The following CCNE2 variants were observed in gnomAD, a reference collection of about 807,000 sequenced individuals.
CCNE2 encodes the protein cyclin E2.
A neutral mutation model predicts 56.8 loss-of-function variants in CCNE2; 18 were observed. The ratio of observed to expected loss-of-function variants is 0.32; its 90% CI spans 0.22 to 0.47. The LOEUF is 0.47. Among genes scored for constraint, CCNE2 ranks in the 20% least tolerant of loss-of-function variants. The pLI is 1.00. For synonymous variants in CCNE2, 139 were observed against 149.2 expected, an observed-to-expected ratio of 0.93 and a Z score of 0.50; for missense variants, 371 against 467.1, an observed-to-expected ratio of 0.79 and a Z score of 1.90.
chr8:94,893,779 A>T, intron 4 of CCNE2, 112 bp downstream of exon 4: 1 of 1,148,298 alleles, frequency 8.7e-7, no homozygotes, highest in Non-Finnish European at 1.3e-6. Context: ...TAGGGGCATT[A>T]AAAGTAAAAG....
chr8:94,892,883 G>T lies in CCNE2; in HGVS notation c.252C>A (p.Phe84Leu), dbSNP rs753297056. Reference protein sequence around the residue: ...TPHKEIGTSDFSRFTNYRFKN... With the variant: ...TPHKEIGTSDLSRFTNYRFKN... ...TAAATCTGTAATTTGTAAATCTGGA[G>T]AAATCACTTGTTCCTATTTCTTTGT... Residue 84 changes from phenylalanine (F) to leucine (L), a missense_variant, in exon 5 of 12, where the codon TTC becomes TTA. Coordinates refer to ENST00000308108, the MANE Select transcript of CCNE2 (RefSeq NM_057749.3). The T allele has an allele frequency of 1.2e-5, 18 of 1,521,588 alleles. No homozygotes were observed. The highest frequency in any genetic ancestry group is 1.4e-5 in the Non-Finnish European group (16 of 1,129,438). 94.3% of individuals were successfully genotyped at this position (1,521,588 alleles called of 1,614,324 possible). A position where few individuals can be genotyped will look rare whatever the true frequency, so the allele number is the denominator to read the frequency against.
chr8:94,895,318 G>T, upstream of CCNE2: 1 of 940,770 alleles, frequency 1.1e-6, no homozygotes, highest in Non-Finnish European at 1.3e-6. Flanking sequence ...CCGCCCGCGT[G>T]CCCGCGCGCC....
chr8:94,889,439 TTAACA>T (rs1817153194), intron 6 of CCNE2, among the ~76,000 whole-genome samples: 1 of 152,178 alleles, frequency 6.6e-6, no homozygotes, highest in Admixed American at 6.5e-5. Flanking sequence ...AAATTAAAAA[TTAACA>T]TAATTGTGCT....
In CCNE2 at chr8:94,881,110, TATAG is replaced by T. The variant is rs1317198481; in HGVS notation, c.*518_*521del. 7.6e-6 allele frequency: 3 copies of T among 396,748 alleles called. No homozygotes were observed. The highest frequency in any genetic ancestry group is 4.4e-5 in the Admixed American group (1 of 22,694). 24.6% of individuals were successfully genotyped at this position (396,748 alleles called of 1,614,324 possible). A position where few individuals can be genotyped will look rare whatever the true frequency, so the allele number is the denominator to read the frequency against. On this transcript the variant is annotated 3_prime_UTR_variant, in exon 12 of 12. Coordinates refer to ENST00000308108, the MANE Select transcript of CCNE2 (RefSeq NM_057749.3). ...TTTTATAATAGCTTGCTATAGCAGC[TATAG>T]ATAAATTAGTCACCTTATTACAAAA... is the stretch of plus-strand genomic sequence containing the variant.
chr8:94,882,121 A>G lies in CCNE2; in HGVS notation c.1101+11T>C. 6.3e-7 allele frequency: 1 copy of G among 1,594,320 alleles called. No individual in the cohort carries two copies. The highest frequency in any genetic ancestry group is 1.8e-5 in the Admixed American group (1 of 56,380). On this transcript the variant is annotated intron_variant, in intron 11 of 11. Transcript: ENST00000308108. Reference sequence around the variant, plus strand: ...AGATAGCAAAGCCAAAAAACTCACAAAAAAACATACCAGCATAGCCAAATA... The same window carrying G: ...AGATAGCAAAGCCAAAAAACTCACAGAAAAACATACCAGCATAGCCAAATA...
intron 9 of CCNE2, 29 bp downstream of exon 9, chr8:94,885,038 T>C: frequency 1.3e-6 from 2 of 1,598,684 alleles, no homozygotes; most frequent in Non-Finnish European, 8.6e-7. Flanking sequence ...TTAATAACAT[T>C]ACCATTGAAT....
At chr8:94,889,543 T>C (rs1817156039) in intron 6 of CCNE2, among the ~76,000 whole-genome samples, 1 of 152,218 alleles carries the variant, frequency 6.6e-6, no homozygotes, top group Admixed American at 6.5e-5. Context: ...TCTTTCCTTC[T>C]AGTCAGAATA....
At position 94,882,418 on chromosome 8, in the gene CCNE2, A is replaced by G. The variant is rs117719646; in HGVS notation, c.944-129T>C. On this transcript the variant is annotated intron_variant, in intron 10 of 11. Transcript: ENST00000308108. ...AAACCAAATCATAACCAAGAAGTTTAGCATGTCAAAACAGATTATCACTCT... is the reference window on the plus strand; with the variant it reads ...AAACCAAATCATAACCAAGAAGTTTGGCATGTCAAAACAGATTATCACTCT... 4,174 of 733,058 alleles carry G rather than the reference A, an allele frequency of 5.7e-3. 17 individuals carry two copies. Among genetic ancestry groups the G allele is most frequent in the Middle Eastern group, 8.2e-3 (21 of 2,572 alleles). The allele number at this position is 733,058 out of a possible 1,614,324, so 45.4% of individuals were successfully genotyped here. A position where few individuals can be genotyped will look rare whatever the true frequency, so the allele number is the denominator to read the frequency against.
Position 94,882,809 on chromosome 8 carries a change from G to C in CCNE2, c.915C>G (p.Thr305=). The C allele has an allele frequency of 6.2e-7, 1 of 1,613,610 alleles. No individual in the cohort carries two copies. Among genetic ancestry groups the C allele is most frequent in the Non-Finnish European group, 8.5e-7 (1 of 1,179,620 alleles). ...ILTAAALCHF[T]SIEVVKKASG... is the part of the protein sequence containing the mutation. ...AGGCTTTCTTAACCACTTCAATGGA[G>C]GTAAAATGGCACAAGGCAGCAGCAG... Residue 305 remains threonine, a synonymous_variant, in exon 10 of 12, where the codon ACC becomes ACG. Transcript: ENST00000308108.
upstream of CCNE2, chr8:94,896,438 C>T (rs1817586497): frequency 6.6e-6 from 1 of 152,220 alleles, no homozygotes; most frequent in South Asian, 2.1e-4. Flanking sequence ...TGAATGCCCC[C>T]ACAACTGGCG....
chr8:94,892,139 GA>G (rs1000142631), intron 5 of CCNE2: 29 of 548,610 alleles, frequency 5.3e-5, no homozygotes, highest in East Asian at 1.3e-4. Flanking sequence ...AATTAAAAGT[GA>G]AAAAAAATGT....
At chr8:94,883,568 G>A (rs1816915024) in intron 9 of CCNE2, among the ~76,000 whole-genome samples, 1 of 152,210 alleles carries the variant, frequency 6.6e-6, no homozygotes, top group South Asian at 2.1e-4. Context: ...ATGAGGGGTG[G>A]TGGCTAGAAA....
chr8:94,880,578 CT>C lies in CCNE2; in HGVS notation c.*1053del. 2 of 326,356 alleles carry C rather than the reference CT, an allele frequency of 6.1e-6. No homozygotes were observed. Among genetic ancestry groups the C allele is most frequent in the Non-Finnish European group, 1.1e-5 (2 of 183,514 alleles). 20.2% of individuals were successfully genotyped at this position (326,356 alleles called of 1,614,324 possible). ...GCCTATGTACAGCAAGTTTTCATGT[CT>C]TTTTTTAATAAATAGATTTCTAGGA... On this transcript the variant is annotated 3_prime_UTR_variant, in exon 12 of 12. Coordinates refer to ENST00000308108, the MANE Select transcript of CCNE2 (RefSeq NM_057749.3).
chr8:94,882,108 CA>C (rs1563678487), intron 11 of CCNE2, 23 bp downstream of exon 11: 2 of 1,583,720 alleles, frequency 1.3e-6, no homozygotes, highest in Non-Finnish European at 8.6e-7. Context: ...ATAGCAAAGC[CA>C]AAAAACTCAC....
At chr8:94,894,643 G>A (rs1817397335) in intron 1 of CCNE2, 1 of 177,162 alleles carries the variant, frequency 5.6e-6, no homozygotes, top group East Asian at 1.5e-4. Flanking sequence ...TTGTGGAGGC[G>A]AAATGCTGTG....
At chr8:94,894,568 C>CG (rs1817391329) in intron 1 of CCNE2, 1 of 270,304 alleles carries the variant, frequency 3.7e-6, no homozygotes, top group African/African-American at 2.2e-5. Flanking sequence ...CCCCGTACAC[C>CG]GGGAGTGGGG....
At chr8:94,889,193 A>C (rs985258960) in intron 6 of CCNE2, among the ~76,000 whole-genome samples, 2 of 152,030 alleles carry the variant, frequency 1.3e-5, no homozygotes, top group Non-Finnish European at 2.9e-5. Flanking sequence ...TGTCTTTTGC[A>C]TCTATTGAGA....
chr8:94,893,015 T>G, intron 4 of CCNE2, 46 bp from the exon 5 acceptor site: 1 of 1,446,202 alleles, frequency 6.9e-7, no homozygotes, highest in Non-Finnish European at 9.3e-7. Flanking sequence ...AAGGAAAACC[T>G]TAGTTTTTGT....
At chr8:94,895,596 G>T (rs533875594), upstream of CCNE2, among the ~76,000 whole-genome samples, 10 of 152,312 alleles carry the variant, frequency 6.6e-5, no homozygotes, top group African/African-American at 2.4e-4. Flanking sequence ...ACACGACTCG[G>T]GCGACCATAG....
Sources: gnomAD v4.1 joint callset for allele counts (sites outside exome capture counted in the v4.1 genomes callset) on GRCh38, gnomAD v4.1.1 for gene constraint, MANE v1.5 for transcripts, NCBI Gene and HGNC (gene_info 2026-07-23, HGNC 2026-07-21) for gene names.